Variants in PRDM16 observed in about 807,000 individuals in gnomAD.
PRDM16 encodes histone-lysine N-methyltransferase PRDM16.
Under a neutral mutation model 110.6 loss-of-function variants are expected in PRDM16, and 23 were observed. The observed-to-expected ratio is 0.21, with a 90% confidence interval of 0.15 to 0.29. PRDM16 has a LOEUF of 0.29. Ranked by LOEUF, PRDM16 falls within the 10% of genes least tolerant of loss-of-function variation. The pLI, the probability that PRDM16 is intolerant of heterozygous loss-of-function variation, is 1.00. For missense variants in PRDM16, 1,615 were observed against 1,794.3 expected (o/e 0.90, Z 1.81); for synonymous variants, 799 against 781.8 (o/e 1.02, Z -0.37).
rs142346346 is a variant in PRDM16 at position 3,123,953 on chromosome 1, C to T, written c.37+54657C>T. ...TCGGGTGGGGCAGCTCAGCTGCAGT[C>T]AGCGTCCCAGATGCGCACCCCACGC... On this transcript the variant is annotated intron_variant, in intron 1 of 16. Transcript: ENST00000270722. Among the ~76,000 whole-genome samples the T allele has an allele frequency of 3.0e-3, 463 of 152,330 alleles. 2 individuals are homozygous for T. The highest frequency in any genetic ancestry group is 5.2e-3 in the Non-Finnish European group (356 of 68,034).
At chr1:3,424,553 C>T (rs566678197) in intron 12 of PRDM16, among the ~76,000 whole-genome samples, 44 of 152,362 alleles carry the variant, frequency 2.9e-4, no homozygotes, top group African/African-American at 9.6e-4. Flanking sequence ...CGGTGCAGGC[C>T]GGCAGCAGCC....
intron 10 of PRDM16, among the ~76,000 whole-genome samples, 154 bp from the exon 11 acceptor site, chr1:3,417,674 A>G (rs1638306357): frequency 6.6e-6 from 1 of 152,198 alleles, no homozygotes; most frequent in African/African-American, 2.4e-5. Flanking sequence ...AAAAAATCCA[A>G]CCCAGGGTCC....
intron 3 of PRDM16, among the ~76,000 whole-genome samples, chr1:3,329,827 C>T (rs944833404): frequency 6.6e-6 from 1 of 152,256 alleles, no homozygotes; most frequent in Non-Finnish European, 1.5e-5. Flanking sequence ...TTATGGTGGG[C>T]TGTGTTCTCC....
chr1:3,137,865 A>T (rs757563853), intron 1 of PRDM16, among the ~76,000 whole-genome samples: 17 of 152,234 alleles, frequency 1.1e-4, no homozygotes, highest in Non-Finnish European at 2.2e-4. Context: ...AGGTCCTGCC[A>T]TCCTCCCTCG....
At chr1:3,166,182 C>CT (rs1643954152) in intron 1 of PRDM16, among the ~76,000 whole-genome samples, 1 of 152,264 alleles carries the variant, frequency 6.6e-6, no homozygotes, top group African/African-American at 2.4e-5. Flanking sequence ...CCAAGCCTGG[C>CT]TTTTTCCATA....
At chr1:3,091,700 C>T (rs1642280161) in intron 1 of PRDM16, among the ~76,000 whole-genome samples, 1 of 152,192 alleles carries the variant, frequency 6.6e-6, no homozygotes, top group African/African-American at 2.4e-5. Flanking sequence ...CTTCCATGAT[C>T]ACCCCACAGC....
chr1:3,423,142 T>G (rs1033357145), intron 12 of PRDM16, among the ~76,000 whole-genome samples: 7 of 152,138 alleles, frequency 4.6e-5, no homozygotes, highest in African/African-American at 1.7e-4. Flanking sequence ...CGAAGTGGGA[T>G]GGGGATATGC....
chr1:3,162,315 G>A (rs974857484), intron 1 of PRDM16, among the ~76,000 whole-genome samples: 2 of 152,154 alleles, frequency 1.3e-5, no homozygotes, highest in African/African-American at 2.4e-5. Context: ...CAGAAACTCC[G>A]TGCCCGGTAA....
At chr1:3,341,085 C>T (rs368314940) in intron 3 of PRDM16, among the ~76,000 whole-genome samples, 3 of 150,648 alleles carry the variant, frequency 2.0e-5, no homozygotes, top group East Asian at 1.9e-4. Context: ...CGTTTCTCCC[C>T]CTCTGAGCCC....
chr1:3,144,608 A>G (rs1341818099), intron 1 of PRDM16, among the ~76,000 whole-genome samples: 1 of 152,112 alleles, frequency 6.6e-6, no homozygotes, highest in African/African-American at 2.4e-5. Flanking sequence ...TGTAGACCCC[A>G]CAGCACCCTG....
At chr1:3,299,432 C>T (rs372159719) in intron 3 of PRDM16, among the ~76,000 whole-genome samples, 5 of 75,466 alleles carry the variant, frequency 6.6e-5, no homozygotes, top group African/African-American at 4.3e-5. Flanking sequence ...GTGATGTTTC[C>T]GATCCCAGTC....
At chr1:3,278,578 C>G (rs1232623857) in intron 3 of PRDM16, among the ~76,000 whole-genome samples, 2 of 152,228 alleles carry the variant, frequency 1.3e-5, no homozygotes, top group Admixed American at 6.5e-5. Flanking sequence ...GAAACAGGCC[C>G]TGGAACCTCA....
At chr1:3,283,612 G>A (rs915513972) in intron 3 of PRDM16, among the ~76,000 whole-genome samples, 30 of 152,062 alleles carry the variant, frequency 2.0e-4, no homozygotes, top group African/African-American at 7.2e-4. Context: ...GAGAGGGGAC[G>A]GTCAGCAAAG....
rs763183715 is a variant in PRDM16, at chr1:3,335,641, A to ACACACACC, written c.439-49510_439-49509insACACACCC. 5.0e-3 allele frequency among the ~76,000 whole-genome samples: 737 copies of ACACACACC among 146,478 alleles called. 10 individuals are homozygous for ACACACACC. The highest frequency in any genetic ancestry group is 0.017 in the African/African-American group (688 of 40,442). On this transcript the variant is annotated intron_variant, in intron 3 of 16. Transcript: ENST00000270722. Reference sequence around the variant, plus strand: ...CACACACACACACACACACACACACACCCTTGGACATAAATCTGCAAATAA... The same window carrying ACACACACC: ...CACACACACACACACACACACACACACACACACCCCCTTGGACATAAATCTGCAAATAA...
At chr1:3,214,017 G>A (rs1394495831) in intron 2 of PRDM16, among the ~76,000 whole-genome samples, 2 of 152,064 alleles carry the variant, frequency 1.3e-5, no homozygotes, top group African/African-American at 2.4e-5. Flanking sequence ...GGTCCGCCTC[G>A]GCTGGAATCT....
intron 2 of PRDM16, among the ~76,000 whole-genome samples, chr1:3,204,215 C>T (rs1242270474): frequency 6.6e-6 from 1 of 152,202 alleles, no homozygotes. Context: ...CTTGGCCGCT[C>T]ACAGATACCC....
chr1:3,331,141 G>A (rs1193244188), intron 3 of PRDM16, among the ~76,000 whole-genome samples: 1 of 152,252 alleles, frequency 6.6e-6, no homozygotes, highest in East Asian at 1.9e-4. Context: ...CGGCCTGGGA[G>A]GGGGCCTTCC....
chr1:3,360,957 C>T (rs1642701613), intron 3 of PRDM16, among the ~76,000 whole-genome samples: 1 of 152,212 alleles, frequency 6.6e-6, no homozygotes, highest in African/African-American at 2.4e-5. Context: ...AGGCAGGTGG[C>T]TGGCGGCCGG....
intron 3 of PRDM16, among the ~76,000 whole-genome samples, chr1:3,336,932 C>CAT (rs1642169588): frequency 1.5e-5 from 2 of 134,874 alleles, no homozygotes; most frequent in Admixed American, 7.5e-5. Context: ...CTTGTATGCA[C>CAT]ATGTGTTGGT....
Sources: gnomAD v4.1 joint callset for allele counts (sites outside exome capture counted in the v4.1 genomes callset) on GRCh38, gnomAD v4.1.1 for gene constraint, MANE v1.5 for transcripts, NCBI Gene and HGNC (gene_info 2026-07-23, HGNC 2026-07-21) for gene names.